CEP63: variants seen among roughly 807,000 people sequenced by gnomAD.
CEP63 encodes centrosomal protein 63.
CEP63 carries 84 observed loss-of-function variants against 89.1 expected under a neutral mutation model. The ratio of observed to expected loss-of-function variants is 0.94; its 90% CI spans 0.79 to 1.13. CEP63 has a LOEUF of 1.13. CEP63 is among the 50% of genes most tolerant of loss of function. CEP63 has a pLI of 0.00. For synonymous variants in CEP63, 267 were observed against 272.5 expected (o/e 0.98, Z 0.20); for missense variants, 838 against 813.3 (o/e 1.03, Z -0.37).
chr3:134,729,117 T>C, the CEP63 span, among the ~76,000 whole-genome samples: 27 of 152,324 alleles, frequency 1.8e-4, no homozygotes, highest in African/African-American at 6.5e-4. Flanking sequence ...CTTTTAATTT[T>C]TATAATTAAT....
chr3:134,495,374 C>T lies in CEP63; in HGVS notation c.44+10C>T. ...ATCGAGGGCATGGTGGGTAAGTTTG[C>T]TTTTTTTAAAATTAATTTTTTTGGT... On this transcript the variant is annotated intron_variant, in intron 2 of 14. Coordinates refer to ENST00000675561, the MANE Select transcript of CEP63 (RefSeq NM_001353108.3). 6.2e-7 allele frequency: 1 copy of T among 1,602,990 alleles called. No individual in the cohort carries two copies. The highest frequency in any genetic ancestry group is 8.5e-7 in the Non-Finnish European group (1 of 1,170,394).
At chr3:134,526,709 T>C (rs1053866029) in intron 3 of CEP63, among the ~76,000 whole-genome samples, 2 of 152,172 alleles carry the variant, frequency 1.3e-5, no homozygotes, top group African/African-American at 4.8e-5. Flanking sequence ...TCTTGCACTA[T>C]TTCTTTCTCA....
the CEP63 span, chr3:134,650,838 C>G: frequency 6.2e-7 from 1 of 1,603,342 alleles, no homozygotes. Flanking sequence ...CTCCGCGCTG[C>G]AGCAGCGAGC....
the CEP63 span, among the ~76,000 whole-genome samples, chr3:134,762,871 C>T: frequency 6.6e-6 from 1 of 152,106 alleles, no homozygotes; most frequent in Non-Finnish European, 1.5e-5. Flanking sequence ...AACAAACGAA[C>T]GAACAACCAA....
the CEP63 span, among the ~76,000 whole-genome samples, chr3:134,681,434 C>T: frequency 1.3e-5 from 2 of 152,086 alleles, no homozygotes; most frequent in African/African-American, 4.8e-5. Flanking sequence ...AAGGAGGCAT[C>T]GTGCAGTCTA....
At chr3:134,654,447 T>G in the CEP63 span, among the ~76,000 whole-genome samples, 1 of 152,166 alleles carries the variant, frequency 6.6e-6, no homozygotes, top group Middle Eastern at 3.2e-3. Flanking sequence ...GCAGGGAATT[T>G]TCTCCATTGA....
In CEP63 at chr3:134,550,235, C is replaced by T; in HGVS notation, c.1355C>T (p.Ala452Val). ...EKRLRAEMQK[A>V]EDKAVEHKEI... ...CGACTCAGAGCAGAGATGCAAAAGG[C>T]AGAAGACAAAGCAGTAGAGCATAAG... Residue 452 changes from alanine (A) to valine (V), a missense_variant, in exon 11 of 15, where the codon GCA (alanine) becomes GTA (valine). Coordinates refer to ENST00000675561, the MANE Select transcript of CEP63 (RefSeq NM_001353108.3). 1 of 1,614,108 alleles carries T rather than the reference C, an allele frequency of 6.2e-7. No homozygotes were observed. Among genetic ancestry groups the T allele is most frequent in the Non-Finnish European group, 8.5e-7 (1 of 1,179,992 alleles).
chr3:134,653,342 A>T, the CEP63 span, among the ~76,000 whole-genome samples: 1 of 152,196 alleles, frequency 6.6e-6, no homozygotes, highest in Non-Finnish European at 1.5e-5. Context: ...TGCAGTGTGA[A>T]CACCGCTTTG....
chr3:134,595,838 T>C, the CEP63 span, among the ~76,000 whole-genome samples: 1 of 152,186 alleles, frequency 6.6e-6, no homozygotes, highest in Non-Finnish European at 1.5e-5. Context: ...TGAGGACAAC[T>C]GTGCTCAAAG....
At chr3:134,722,276 T>C in the CEP63 span, among the ~76,000 whole-genome samples, 1 of 32,328 alleles carries the variant, frequency 3.1e-5, no homozygotes, top group Non-Finnish European at 8.6e-5. Flanking sequence ...TCTCCTATAC[T>C]GTATATATAC....
the CEP63 span, among the ~76,000 whole-genome samples, chr3:134,701,200 ATATATACGTATATATGTG>A: frequency 1.1e-4 from 1 of 9,062 alleles, no homozygotes; most frequent in South Asian, 9.4e-3. Flanking sequence ...ATACACACAC[ATATATACGTATATATGTG>A]TGTATATATA....
the CEP63 span, among the ~76,000 whole-genome samples, chr3:134,660,271 G>A: frequency 8.5e-5 from 13 of 152,394 alleles, no homozygotes; most frequent in South Asian, 2.5e-3. Context: ...AGGGATGAGC[G>A]GCTTTGGGGC....
At chr3:134,742,574 C>T in the CEP63 span, among the ~76,000 whole-genome samples, 1 of 152,208 alleles carries the variant, frequency 6.6e-6, no homozygotes, top group Non-Finnish European at 1.5e-5. Flanking sequence ...TAACTGTAGA[C>T]TGTGCTGGGA....
At chr3:134,527,093 A>G (rs1430537459) in intron 3 of CEP63, among the ~76,000 whole-genome samples, 1 of 152,222 alleles carries the variant, frequency 6.6e-6, no homozygotes, top group African/African-American at 2.4e-5. Context: ...TACATGTGCC[A>G]GCAGCAGTGG....
At chr3:134,499,844 G>A (rs1359951679) in intron 2 of CEP63, among the ~76,000 whole-genome samples, 1 of 44,018 alleles carries the variant, frequency 2.3e-5, no homozygotes, top group African/African-American at 6.6e-5. Context: ...TTTTTTTTGA[G>A]ATGGAGTCTC....
At chr3:134,748,978 G>T in the CEP63 span, among the ~76,000 whole-genome samples, 2 of 152,112 alleles carry the variant, frequency 1.3e-5, no homozygotes, top group Non-Finnish European at 2.9e-5. Flanking sequence ...GGAACCACTT[G>T]CAGGTGGGAA....
rs1880377 is a variant in CEP63, at chr3:134,551,626, T to C, written c.1381-300T>C. ...TAAGGGGTTCAGTGGATTGAAACTT[T>C]GCTGCTTTGTCACCTGATTTATCCT... On this transcript the variant is annotated intron_variant, in intron 11 of 14. Transcript: ENST00000675561. Among the ~76,000 whole-genome samples the C allele has an allele frequency of 0.32, 48,014 of 151,350 alleles. 7,892 individuals carry two copies. Among genetic ancestry groups the C allele is most frequent in the African/African-American group, 0.36 (14,698 of 41,234 alleles).
At chr3:134,603,929 C>T in the CEP63 span, 3 of 1,613,896 alleles carry the variant, frequency 1.9e-6, no homozygotes, top group Admixed American at 1.7e-5. Context: ...ATGTAGTTTC[C>T]TGGTTCCTGC....
At chr3:134,603,653 A>G in the CEP63 span, 1 of 1,613,358 alleles carries the variant, frequency 6.2e-7, no homozygotes, top group East Asian at 2.2e-5. Flanking sequence ...ACCATGACAT[A>G]GACTTCCTGG....
Sources: gnomAD v4.1 joint callset for allele counts (sites outside exome capture counted in the v4.1 genomes callset) on GRCh38, gnomAD v4.1.1 for gene constraint, MANE v1.5 for transcripts, NCBI Gene and HGNC (gene_info 2026-07-23, HGNC 2026-07-21) for gene names.